The following PIBF1 variants were observed in gnomAD, a reference collection of about 807,000 sequenced individuals.
PIBF1 encodes progesterone immunomodulatory binding factor 1.
Under a neutral mutation model 112.5 loss-of-function variants are expected in PIBF1, and 90 were observed. The observed-to-expected ratio is 0.80, with a 90% CI of 0.67 to 0.95. The LOEUF is 0.95. Ranked by LOEUF, PIBF1 falls within the 40% of genes least tolerant of loss-of-function variation. The probability of loss-of-function intolerance (pLI) is 0.00; values close to 1 mark genes in which losing one functional copy is unlikely to be tolerated. For missense variants in PIBF1, 915 were observed against 852.3 expected (o/e 1.07, Z -0.92); for synonymous variants, 301 against 288.6 (o/e 1.04, Z -0.44).
intron 5 of PIBF1, among the ~76,000 whole-genome samples, chr13:72,809,831 T>C (rs1023826247): frequency 6.6e-6 from 1 of 152,052 alleles, no homozygotes; most frequent in Non-Finnish European, 1.5e-5. Context: ...TCAAGCGATC[T>C]GCCTGCCCTG....
intron 17 of PIBF1, among the ~76,000 whole-genome samples, chr13:73,013,645 G>A (rs371742206): frequency 2.1e-4 from 32 of 149,100 alleles, no homozygotes; most frequent in African/African-American, 7.6e-4. Flanking sequence ...GCTGAGGCAG[G>A]ACTATCACTT....
At chr13:72,924,821 G>A (rs2041425704) in intron 13 of PIBF1, among the ~76,000 whole-genome samples, 1 of 152,158 alleles carries the variant, frequency 6.6e-6, no homozygotes. Context: ...ATCTGTTTAG[G>A]GAGAAATGAT....
chr13:72,831,192 GTTGATC>G (rs1566327856), intron 8 of PIBF1, among the ~76,000 whole-genome samples: 1 of 150,860 alleles, frequency 6.6e-6, no homozygotes, highest in Non-Finnish European at 1.5e-5. Context: ...TATCTATTTT[GTTGATC>G]TTTACAAAAA....
chr13:72,914,103 G>A (rs1381219210), intron 12 of PIBF1, among the ~76,000 whole-genome samples: 1 of 151,454 alleles, frequency 6.6e-6, no homozygotes, highest in Non-Finnish European at 1.5e-5. Context: ...AGGTAATTTC[G>A]GCTGACTTTT....
At chr13:72,931,964 CAG>C (rs2041721822) in intron 14 of PIBF1, among the ~76,000 whole-genome samples, 1 of 115,626 alleles carries the variant, frequency 8.6e-6, no homozygotes, top group Non-Finnish European at 1.7e-5. Flanking sequence ...TTTTCTGAGA[CAG>C]GGTCTGGCTT....
chr13:72,831,065 T>A (rs1594000025), intron 8 of PIBF1, among the ~76,000 whole-genome samples: 1 of 152,206 alleles, frequency 6.6e-6, no homozygotes, highest in Non-Finnish European at 1.5e-5. Flanking sequence ...GAGGTGTTTA[T>A]AGTATTCTCT....
At chr13:72,906,085 A>T (rs1428590260) in intron 11 of PIBF1, among the ~76,000 whole-genome samples, 2 of 151,870 alleles carry the variant, frequency 1.3e-5, no homozygotes, top group African/African-American at 4.9e-5. Flanking sequence ...GGTGGGGGGG[A>T]TTCTACAAAG....
chr13:72,956,333 A>G (rs560706464), intron 14 of PIBF1, among the ~76,000 whole-genome samples: 2 of 152,028 alleles, frequency 1.3e-5, no homozygotes, highest in East Asian at 3.9e-4. Context: ...ACCCCCTTCA[A>G]AGTATGTGTG....
chr13:72,850,615 C>T (rs1409514887), intron 9 of PIBF1, among the ~76,000 whole-genome samples: 3 of 152,200 alleles, frequency 2.0e-5, no homozygotes, highest in Admixed American at 6.5e-5. Context: ...TAAATGTGCT[C>T]TACTTGTAAT....
chr13:72,784,713 G>A (rs1025737084), intron 2 of PIBF1, among the ~76,000 whole-genome samples: 5 of 151,884 alleles, frequency 3.3e-5, no homozygotes, highest in Admixed American at 2.6e-4. Flanking sequence ...AGCTGAGATC[G>A]TACCACTGCA....
intron 13 of PIBF1, among the ~76,000 whole-genome samples, chr13:72,922,607 T>C (rs991691316): frequency 6.6e-6 from 1 of 152,218 alleles, no homozygotes; most frequent in Non-Finnish European, 1.5e-5. Flanking sequence ...CTGCGTACTA[T>C]AGTTTCTCTC....
chr13:72,800,418 G>T (rs1405974625), intron 5 of PIBF1, among the ~76,000 whole-genome samples: 1 of 152,152 alleles, frequency 6.6e-6, no homozygotes, highest in African/African-American at 2.4e-5. Context: ...TTTTGAAATG[G>T]TTCATTAAAT....
chr13:72,844,224 C>G (rs2037733729), intron 9 of PIBF1, among the ~76,000 whole-genome samples: 1 of 152,202 alleles, frequency 6.6e-6, no homozygotes, highest in Non-Finnish European at 1.5e-5. Context: ...CTAGATACAT[C>G]TGACTCTGCA....
chr13:72,879,789 A>C (rs1018266885), intron 10 of PIBF1, among the ~76,000 whole-genome samples: 3 of 152,170 alleles, frequency 2.0e-5, no homozygotes, highest in African/African-American at 7.2e-5. Context: ...TTTTTTAATT[A>C]TGAGGGGGAA....
chr13:73,013,073 G>A (rs1287231199), intron 17 of PIBF1, among the ~76,000 whole-genome samples: 9 of 151,322 alleles, frequency 5.9e-5, no homozygotes, highest in Non-Finnish European at 7.4e-5. Context: ...AGGCCGAGGC[G>A]GGCGGATCAC....
chr13:72,832,216 A>G (rs1049705611), intron 8 of PIBF1, among the ~76,000 whole-genome samples: 1 of 150,980 alleles, frequency 6.6e-6, no homozygotes. Flanking sequence ...TTGACTCTTC[A>G]TCCGATTTGC....
intron 17 of PIBF1, among the ~76,000 whole-genome samples, chr13:73,011,731 T>TTACC (rs1272419570): frequency 1.3e-5 from 2 of 152,130 alleles, no homozygotes; most frequent in Non-Finnish European, 2.9e-5. Context: ...TACCACCACA[T>TTACC]TACCAAAGGC....
At chr13:72,962,326 A>G (rs944415191) in intron 14 of PIBF1, among the ~76,000 whole-genome samples, 1 of 152,206 alleles carries the variant, frequency 6.6e-6, no homozygotes, top group Non-Finnish European at 1.5e-5. Context: ...AGAAAAAAAT[A>G]CAGCCAGGCA....
intron 16 of PIBF1, among the ~76,000 whole-genome samples, chr13:72,987,944 C>T (rs1283110368): frequency 1.4e-5 from 2 of 139,926 alleles, no homozygotes; most frequent in East Asian, 2.2e-4. Flanking sequence ...CTCACTGCAA[C>T]CTCCGCCCCC....
Sources: gnomAD v4.1 joint callset for allele counts (sites outside exome capture counted in the v4.1 genomes callset) on GRCh38, gnomAD v4.1.1 for gene constraint, MANE v1.5 for transcripts, NCBI Gene and HGNC (gene_info 2026-07-23, HGNC 2026-07-21) for gene names.